Variants in ADAMTS3 observed in about 807,000 individuals in gnomAD.
ADAMTS3 encodes A disintegrin and metalloproteinase with thrombospondin motifs 3.
ADAMTS3 carries 73 observed loss-of-function variants against 129.0 expected under a neutral mutation model. That is an observed-to-expected ratio of 0.57 (90% CI 0.47 to 0.69). ADAMTS3 has a LOEUF of 0.69. ADAMTS3 is among the 30% of genes least tolerant of loss of function. The probability of loss-of-function intolerance (pLI) is 0.00; values close to 1 mark genes in which losing one functional copy is unlikely to be tolerated. For synonymous variants in ADAMTS3, 477 were observed against 510.8 expected (o/e 0.93, Z 0.89); for missense variants, 1,457 against 1,514.5 (o/e 0.96, Z 0.63).
chr4:72,431,801 G>A (rs986095981), intron 3 of ADAMTS3, among the ~76,000 whole-genome samples: 10 of 151,860 alleles, frequency 6.6e-5, no homozygotes, highest in African/African-American at 2.4e-4. Flanking sequence ...GGGGAAATGG[G>A]AAGAGGCGAT....
At chr4:72,303,875 T>C (rs1719015886) in intron 17 of ADAMTS3, 42 bp downstream of exon 17, 2 of 1,589,472 alleles carry the variant, frequency 1.3e-6, no homozygotes, top group Non-Finnish European at 1.7e-6. Flanking sequence ...AATTATAAAG[T>C]AAGCTGAGCT....
At chr4:72,488,018 T>C (rs16848050) in intron 3 of ADAMTS3, among the ~76,000 whole-genome samples, 54,125 of 151,824 alleles carry the variant, frequency 0.36, 10,571 homozygotes, top group South Asian at 0.58. Flanking sequence ...TATTGTGCAC[T>C]TTGGTTATGA....
intron 4 of ADAMTS3, among the ~76,000 whole-genome samples, chr4:72,359,219 A>G (rs1416469370): frequency 2.6e-5 from 4 of 152,034 alleles, no homozygotes; most frequent in Non-Finnish European, 4.4e-5. Flanking sequence ...AACTTCCTAA[A>G]TAAGCAACTA....
intron 4 of ADAMTS3, among the ~76,000 whole-genome samples, chr4:72,384,972 T>G (rs142221405): frequency 1.3e-5 from 2 of 151,926 alleles, no homozygotes; most frequent in Admixed American, 6.6e-5. Flanking sequence ...ATCGAGACCA[T>G]CCTGGCTAAC....
chr4:72,520,886 G>A (rs564294580), intron 3 of ADAMTS3, among the ~76,000 whole-genome samples: 406 of 152,160 alleles, frequency 2.7e-3, no homozygotes, highest in Non-Finnish European at 4.0e-3. Flanking sequence ...CTAGTGAGAT[G>A]AACCTGGTAC....
chr4:72,474,717 G>A (rs538632080), intron 3 of ADAMTS3, among the ~76,000 whole-genome samples: 3 of 152,224 alleles, frequency 2.0e-5, no homozygotes, highest in Admixed American at 6.5e-5. Context: ...CCTCACAAAC[G>A]CTATTAATAA....
At position 72,414,971 on chromosome 4, in the gene ADAMTS3, C is replaced by T. The variant is rs759533507; in HGVS notation, c.505G>A (p.Ala169Thr). ...TCATTATCACTTTTTATCATTCCAG[C>T]CTAGAGAAAGCACAAAATGTGTTAA... ...SVAISNCDGLAGMIKSDNEEY... is the reference protein window; with the variant it reads ...SVAISNCDGLTGMIKSDNEEY... Residue 169 changes from alanine to threonine, a missense_variant and splice_region_variant, in exon 4 of 22, where the codon GCT becomes ACT. By Grantham distance (58) the Ala-to-Thr change is moderately conservative. Coordinates refer to ENST00000286657, the MANE Select transcript of ADAMTS3 (RefSeq NM_014243.3). The T allele has an allele frequency of 1.1e-5, 16 of 1,493,282 alleles. No homozygotes were observed. The highest frequency in any genetic ancestry group is 3.5e-4 in the Middle Eastern group (2 of 5,678). 92.5% of individuals were successfully genotyped at this position (1,493,282 alleles called of 1,614,324 possible).
At position 72,352,249 on chromosome 4, in the gene ADAMTS3, T is replaced by C. The variant is rs527454980; in HGVS notation, c.662-12556A>G. ...ACAGTGGTATTGATTTTGTATGTCA[T>C]CAAAATCAATACATACAGATATTTT... is the stretch of plus-strand genomic sequence containing the variant. On this transcript the variant is annotated intron_variant, in intron 4 of 21. Coordinates refer to ENST00000286657, the MANE Select transcript of ADAMTS3 (RefSeq NM_014243.3). 2.0e-5 allele frequency among the ~76,000 whole-genome samples: 3 copies of C among 152,110 alleles called. No individual in the cohort carries two copies. The South Asian group carries it at 6.2e-4, about 32-fold the overall frequency.
chr4:72,475,777 ATAAC>A (rs1719213564), intron 3 of ADAMTS3, among the ~76,000 whole-genome samples: 1 of 152,106 alleles, frequency 6.6e-6, no homozygotes, highest in South Asian at 2.1e-4. Flanking sequence ...CAAAATTAAA[ATAAC>A]TGAAATCAGA....
intron 17 of ADAMTS3, among the ~76,000 whole-genome samples, chr4:72,301,598 T>A (rs1000358676): frequency 6.6e-6 from 1 of 152,108 alleles, no homozygotes; most frequent in African/African-American, 2.4e-5. Flanking sequence ...AAACAGAAAC[T>A]AACAATAAAT....
intron 3 of ADAMTS3, among the ~76,000 whole-genome samples, chr4:72,473,618 C>T (rs774491166): frequency 1.3e-5 from 2 of 151,850 alleles, no homozygotes; most frequent in Non-Finnish European, 2.9e-5. Context: ...GGAGCTTAGG[C>T]CTCCATCTTG....
At chr4:72,445,609 C>A (rs1311428652) in intron 3 of ADAMTS3, among the ~76,000 whole-genome samples, 1 of 151,660 alleles carries the variant, frequency 6.6e-6, no homozygotes, top group Non-Finnish European at 1.5e-5. Flanking sequence ...TTATTAGCAA[C>A]ATGAAGCTGT....
chr4:72,342,458 G>A (rs575460683), intron 4 of ADAMTS3, among the ~76,000 whole-genome samples: 5 of 150,262 alleles, frequency 3.3e-5, no homozygotes, highest in South Asian at 2.1e-4. Flanking sequence ...CTGCCTCCCC[G>A]GTTCAAGTGA....
At chr4:72,339,318 C>T (rs1373199153) in intron 5 of ADAMTS3, among the ~76,000 whole-genome samples, 176 bp downstream of exon 5, 2 of 152,138 alleles carry the variant, frequency 1.3e-5, no homozygotes, top group Non-Finnish European at 2.9e-5. Flanking sequence ...TTCATGCTTC[C>T]TTTATTTTAG....
intron 3 of ADAMTS3, among the ~76,000 whole-genome samples, chr4:72,473,638 T>A (rs999548882): frequency 6.6e-6 from 1 of 151,578 alleles, no homozygotes; most frequent in Non-Finnish European, 1.5e-5. Context: ...GTCAAGATTG[T>A]GATGAGTCAT....
At chr4:72,556,829 T>C (rs1189065537) in intron 2 of ADAMTS3, among the ~76,000 whole-genome samples, 1 of 151,820 alleles carries the variant, frequency 6.6e-6, no homozygotes, top group Non-Finnish European at 1.5e-5. Context: ...AGTGAGCTGT[T>C]ATCATCACCT....
chr4:72,371,752 G>A (rs1721014749), intron 4 of ADAMTS3, among the ~76,000 whole-genome samples: 2 of 152,044 alleles, frequency 1.3e-5, no homozygotes, highest in African/African-American at 4.8e-5. Context: ...TACATTTCTA[G>A]ATGATATGAA....
At chr4:72,368,149 A>C (rs542030011) in intron 4 of ADAMTS3, among the ~76,000 whole-genome samples, 1 of 152,218 alleles carries the variant, frequency 6.6e-6, no homozygotes, top group African/African-American at 2.4e-5. Flanking sequence ...ATACAACTTC[A>C]AAACTTTTAT....
At chr4:72,436,569 C>T (rs546478856) in intron 3 of ADAMTS3, among the ~76,000 whole-genome samples, 47 of 152,046 alleles carry the variant, frequency 3.1e-4, no homozygotes, top group African/African-American at 4.6e-4. Flanking sequence ...ATGTTTATTG[C>T]GGCACTATTC....
Sources: allele counts gnomAD v4.1 joint callset (sites outside exome capture counted in the v4.1 genomes callset), GRCh38; gene constraint gnomAD v4.1.1; transcripts MANE v1.5; gene names NCBI Gene and HGNC (gene_info 2026-07-23, HGNC 2026-07-21).